Variants in ZNF544 observed in about 807,000 individuals in gnomAD.
The protein encoded by ZNF544 is zinc finger protein AF020591.
ZNF544 carries 10 observed loss-of-function variants against 13.5 expected under a neutral mutation model. The ratio of observed to expected loss-of-function variants is 0.74; its 90% confidence interval spans 0.46 to 1.25. ZNF544 has a LOEUF of 1.25. Ranked by LOEUF, ZNF544 falls within the 50% of genes most tolerant of loss-of-function variation. The probability of loss-of-function intolerance (pLI) is 0.00; values close to 1 mark genes in which losing one functional copy is unlikely to be tolerated. For synonymous variants in ZNF544, 323 were observed against 300.5 expected (o/e 1.07, Z -0.77); for missense variants, 896 against 845.6 (o/e 1.06, Z -0.74).
chr19:58,261,255 C>A lies in ZNF544; in HGVS notation c.649C>A (p.Gln217Lys), dbSNP rs752705713. 35 of 1,614,068 alleles carry A rather than the reference C, an allele frequency of 2.2e-5. No individual in the cohort carries two copies. In the African/African-American group the frequency reaches 4.4e-4, roughly 20 times the overall value. Residue 217 changes from glutamine to lysine, a missense_variant, in exon 7 of 7, where the codon CAG (glutamine) becomes AAG (lysine). Physicochemically the swap from Gln to Lys is moderately conservative, Grantham distance 53 (BLOSUM62 1). Transcript: ENST00000687789. ...GADGKHCESHQCARAFCQSIY... is the reference protein window; with the variant it reads ...GADGKHCESHKCARAFCQSIY... Reference sequence around the variant, plus strand: ...AGATGGGAAGCACTGTGAGAGTCATCAGTGTGCTAGAGCTTTCTGTCAGAG... The same window carrying A: ...AGATGGGAAGCACTGTGAGAGTCATAAGTGTGCTAGAGCTTTCTGTCAGAG...
chr19:58,268,251 G>T (rs897735664), downstream of ZNF544, among the ~76,000 whole-genome samples: 2 of 152,000 alleles, frequency 1.3e-5, no homozygotes, highest in Admixed American at 6.6e-5. Context: ...GTGAGCCGAG[G>T]TCTAGTGCCA....
intron 6 of ZNF544, among the ~76,000 whole-genome samples, chr19:58,253,066 C>T (rs2046568410): frequency 6.6e-6 from 1 of 152,252 alleles, no homozygotes; most frequent in Admixed American, 6.5e-5. Context: ...GATCCACCCA[C>T]CTTGGCCTCC....
intron 4 of ZNF544, 106 bp from the exon 5 acceptor site, chr19:58,246,195 A>G (rs2045165819): frequency 5.4e-6 from 8 of 1,475,012 alleles, no homozygotes; most frequent in African/African-American, 1.4e-5. Flanking sequence ...TTAGGTTCCA[A>G]TGTATGAATT....
At chr19:58,241,905 T>G (rs549846579) in intron 3 of ZNF544, among the ~76,000 whole-genome samples, 1 of 149,764 alleles carries the variant, frequency 6.7e-6, no homozygotes, top group Non-Finnish European at 1.5e-5. Context: ...GTTTCAGCAC[T>G]GAATTTGCTG....
chr19:58,257,499 T>TA (rs1240599872), intron 6 of ZNF544: 2 of 152,218 alleles, frequency 1.3e-5, no homozygotes, highest in East Asian at 1.9e-4. Context: ...GTTACAAAGT[T>TA]ACGCTCTATG....
At chr19:58,241,614 G>A (rs116938565) in intron 3 of ZNF544, among the ~76,000 whole-genome samples, 11,515 of 151,038 alleles carry the variant, frequency 0.076, 909 homozygotes, top group African/African-American at 0.19. Flanking sequence ...TTCCTGCTTC[G>A]GCCTCCTGAG....
chr19:58,263,203 G>A lies in ZNF544; in HGVS notation c.*449G>A, dbSNP rs759714724. ...GAGCCGGGTGCAGTTGCCAACACTTGTAATCCCAGCAGTTTGCGAGGCCGA... is the reference window on the plus strand; with the variant it reads ...GAGCCGGGTGCAGTTGCCAACACTTATAATCCCAGCAGTTTGCGAGGCCGA... On this transcript the variant is annotated 3_prime_UTR_variant, in exon 7 of 7. Transcript: ENST00000687789. 7 of 995,558 alleles carry A rather than the reference G, an allele frequency of 7.0e-6. No homozygotes were observed. The highest frequency in any genetic ancestry group is 8.4e-6 in the Non-Finnish European group (7 of 835,346). The allele number at this position is 995,558 out of a possible 1,614,324, so 61.7% of individuals were successfully genotyped here.
chr19:58,239,806 G>A (rs1271727182), intron 3 of ZNF544, among the ~76,000 whole-genome samples: 2 of 151,938 alleles, frequency 1.3e-5, no homozygotes, highest in African/African-American at 4.8e-5. Flanking sequence ...GGCTGAGACA[G>A]GAGAATCGCT....
At chr19:58,235,454 C>T (rs2042185663) in intron 3 of ZNF544, among the ~76,000 whole-genome samples, 1 of 152,152 alleles carries the variant, frequency 6.6e-6, no homozygotes. Context: ...GTGGCTGTCT[C>T]TTAAGATGTT....
At position 58,263,194 on chromosome 19, in the gene ZNF544, C is replaced by A; in HGVS notation, c.*440C>A. The A allele has an allele frequency of 1.0e-6, 1 of 995,766 alleles. No individual in the cohort carries two copies. The highest frequency in any genetic ancestry group is 1.2e-6 in the Non-Finnish European group (1 of 835,506). 61.7% of individuals were successfully genotyped at this position (995,766 alleles called of 1,614,324 possible). A position where few individuals can be genotyped will look rare whatever the true frequency, so the allele number is the denominator to read the frequency against. On this transcript the variant is annotated 3_prime_UTR_variant, in exon 7 of 7. Coordinates refer to ENST00000687789, the MANE Select transcript of ZNF544 (RefSeq NM_014480.4). ...ACCAAGATGGAGCCGGGTGCAGTTG[C>A]CAACACTTGTAATCCCAGCAGTTTG...
chr19:58,264,280 G>A (rs1403947018), downstream of ZNF544, among the ~76,000 whole-genome samples: 2 of 149,886 alleles, frequency 1.3e-5, no homozygotes, highest in Non-Finnish European at 3.0e-5. Flanking sequence ...CCAGCTACTC[G>A]GGAGGCTGAG....
intron 5 of ZNF544, among the ~76,000 whole-genome samples, chr19:58,271,978 A>G (rs2050689419): frequency 6.6e-6 from 1 of 152,110 alleles, no homozygotes; most frequent in Non-Finnish European, 1.5e-5. Flanking sequence ...CCTGGCCGAC[A>G]TGGTGAAACC....
At chr19:58,254,180 C>T (rs1011454187) in intron 6 of ZNF544, among the ~76,000 whole-genome samples, 6 of 151,738 alleles carry the variant, frequency 4.0e-5, no homozygotes, top group East Asian at 1.9e-4. Context: ...GCTGATATCA[C>T]GACACTGCAC....
At chr19:58,271,178 C>T (rs2050589746) in intron 5 of ZNF544, among the ~76,000 whole-genome samples, 1 of 149,858 alleles carries the variant, frequency 6.7e-6, no homozygotes, top group African/African-American at 2.5e-5. Flanking sequence ...CATCACTGTG[C>T]TCCAGCCTGG....
At chr19:58,233,117 A>G (rs2041693677) in intron 3 of ZNF544, among the ~76,000 whole-genome samples, 1 of 152,148 alleles carries the variant, frequency 6.6e-6, no homozygotes, top group East Asian at 1.9e-4. Flanking sequence ...GGGTGTGTGC[A>G]GGGGAGCTCC....
In ZNF544 at chr19:58,262,396, C is replaced by T. The variant is rs1191337727; in HGVS notation, c.1790C>T (p.Thr597Ile). Residue 597 changes from threonine (T) to isoleucine (I), a missense_variant, in exon 7 of 7, where the codon ACT becomes ATT. Thr to Ile is a moderately conservative substitution (Grantham distance 89). Transcript: ENST00000687789. ...TATCAGTTAGTTGCACATAAAAGAA[C>T]TCACACTGGAGAAAAGCCCTATGAA... ...QSYQLVAHKRTHTGEKPYECN... is the reference protein window; with the variant it reads ...QSYQLVAHKRIHTGEKPYECN... 3 of 1,614,174 alleles carry T rather than the reference C, an allele frequency of 1.9e-6. No individual in the cohort carries two copies. Among genetic ancestry groups the T allele is most frequent in the East Asian group, 4.5e-5 (2 of 44,892 alleles).
chr19:58,234,631 A>G (rs939682171), intron 3 of ZNF544, among the ~76,000 whole-genome samples: 2 of 152,254 alleles, frequency 1.3e-5, no homozygotes, highest in Admixed American at 1.3e-4. Flanking sequence ...GCATTCTGCG[A>G]GCTGTCTGGC....
intron 3 of ZNF544, among the ~76,000 whole-genome samples, chr19:58,232,174 A>C (rs2041379169): frequency 6.6e-6 from 1 of 152,100 alleles, no homozygotes; most frequent in Non-Finnish European, 1.5e-5. Flanking sequence ...AATTGAACTG[A>C]AAATAAAAAG....
chr19:58,252,229 C>T (rs1336755689), intron 6 of ZNF544, among the ~76,000 whole-genome samples: 1 of 152,164 alleles, frequency 6.6e-6, no homozygotes, highest in East Asian at 1.9e-4. Context: ...TTTAACCCTC[C>T]AAACTTTGGC....
Sources: gnomAD v4.1 joint callset for allele counts (sites outside exome capture counted in the v4.1 genomes callset) on GRCh38, gnomAD v4.1.1 for gene constraint, MANE v1.5 for transcripts, NCBI Gene and HGNC (gene_info 2026-07-23, HGNC 2026-07-21) for gene names.